The following RASA3 variants were observed in gnomAD, a reference collection of about 807,000 sequenced individuals.
The protein encoded by RASA3 is RAS p21 protein activator 3.
In RASA3, 73 loss-of-function variants were observed where a neutral mutation model predicts 110.0. The observed-to-expected ratio is 0.66, with a 90% CI of 0.55 to 0.81. The LOEUF (loss-of-function observed/expected upper bound fraction) is 0.81, where lower values mean the gene tolerates loss of function less well. Ranked by LOEUF, RASA3 falls within the 30% of genes least tolerant of loss-of-function variation. The pLI, the probability that RASA3 is intolerant of heterozygous loss-of-function variation, is 0.00. For missense variants in RASA3, 976 were observed against 1,113.2 expected (o/e 0.88, Z 1.75); for synonymous variants, 500 against 451.4 (o/e 1.11, Z -1.37).
chr13:114,116,068 A>T (rs1001523152), intron 1 of RASA3, among the ~76,000 whole-genome samples: 4 of 152,196 alleles, frequency 2.6e-5, no homozygotes, highest in Non-Finnish European at 5.9e-5. Flanking sequence ...AGAGCCTGGC[A>T]GCAGCGCAGG....
intron 18 of RASA3, 30 bp from the exon 19 acceptor site, chr13:114,000,962 C>G (rs758363639): frequency 6.7e-7 from 1 of 1,491,598 alleles, no homozygotes; most frequent in South Asian, 1.1e-5. Context: ...GGCCGGGGTC[C>G]GGGCCTCAGC....
At chr13:113,999,414 C>T (rs934954289) in intron 20 of RASA3, among the ~76,000 whole-genome samples, 171 bp downstream of exon 20, 12 of 151,930 alleles carry the variant, frequency 7.9e-5, no homozygotes, top group Non-Finnish European at 1.0e-4. Flanking sequence ...TGCGAGATTC[C>T]GACACAAACT....
intron 16 of RASA3, among the ~76,000 whole-genome samples, chr13:114,010,225 G>A (rs1452406525): frequency 2.0e-5 from 3 of 152,144 alleles, no homozygotes; most frequent in Non-Finnish European, 4.4e-5. Context: ...TCCAGTGGGG[G>A]CCTCTGCTCC....
At chr13:114,040,821 C>T (rs1025646512) in intron 4 of RASA3, among the ~76,000 whole-genome samples, 179 bp downstream of exon 4, 5 of 152,034 alleles carry the variant, frequency 3.3e-5, no homozygotes, top group African/African-American at 9.6e-5. Flanking sequence ...ACCCAAAATC[C>T]ATGGCGGAGC....
Position 114,112,771 on chromosome 13 carries a change from G to A in RASA3, c.55+19664C>T, listed in dbSNP as rs2080235748. ...GCCAGCGTCCACTCCCCGTGGGGCC[G>A]CAGGGTACACCAACATCTGAGGCAG... On this transcript the variant is annotated intron_variant, in intron 1 of 23. Coordinates refer to ENST00000334062, the MANE Select transcript of RASA3 (RefSeq NM_007368.4). This position sits in a 1 kb window ranked among gnomAD's most constrained non-coding sequence, Gnocchi z 4.8. 1.3e-5 allele frequency among the ~76,000 whole-genome samples: 2 copies of A among 152,042 alleles called. No individual in the cohort carries two copies. Among genetic ancestry groups the A allele is most frequent in the African/African-American group, 4.8e-5 (2 of 41,402 alleles).
Position 114,018,843 on chromosome 13 carries a change from C to T in RASA3, c.862G>A (p.Val288Ile), listed in dbSNP as rs368113533. The T allele has an allele frequency of 3.1e-6, 5 of 1,613,836 alleles. No homozygotes were observed. In the African/African-American group the frequency reaches 6.7e-5, roughly 22 times the overall value. ...GAAAACACGTGGTCTTCCGTGTATA[C>T]CACGTTCAGCCGCAGGGAGCCCAGG... ...DDLGSLRLNV[V>I]YTEDHVFSSD... Residue 288 changes from valine to isoleucine, a missense_variant, in exon 10 of 24, where the codon GTA becomes ATA. Transcript: ENST00000334062.
intron 1 of RASA3, among the ~76,000 whole-genome samples, chr13:114,103,461 G>C (rs1030467361): frequency 2.0e-5 from 3 of 152,102 alleles, no homozygotes; most frequent in Non-Finnish European, 4.4e-5. Context: ...GGGGGACACA[G>C]AACCAAGCCG....
At chr13:114,090,970 G>A (rs1594444698) in intron 1 of RASA3, among the ~76,000 whole-genome samples, 3 of 152,236 alleles carry the variant, frequency 2.0e-5, no homozygotes, top group Admixed American at 2.0e-4. Flanking sequence ...TTATTGTTCA[G>A]TAATACCAGA....
chr13:114,024,308 C>T lies in RASA3; in HGVS notation c.651G>A (p.Glu217=). The T allele has an allele frequency of 1.2e-6, 2 of 1,614,050 alleles. No homozygotes were observed. Among genetic ancestry groups the T allele is most frequent in the Non-Finnish European group, 8.5e-7 (1 of 1,179,974 alleles). ...SYSKKSHFDF[E]EEDVDKLEIR... is the part of the protein sequence containing the mutation. ...TTTCGAGCTTGTCCACGTCTTCCTC[C>T]TCAAAGTCAAAGTGGGACTTCTTGC... Residue 217 remains glutamate, a synonymous_variant, in exon 8 of 24, where the codon GAG becomes GAA. Coordinates refer to ENST00000334062, the MANE Select transcript of RASA3 (RefSeq NM_007368.4).
chr13:114,105,862 C>T (rs2080127102), intron 1 of RASA3, among the ~76,000 whole-genome samples: 2 of 152,222 alleles, frequency 1.3e-5, no homozygotes, highest in South Asian at 4.1e-4. Flanking sequence ...AGCTGTGAAA[C>T]TATTACGGTA....
intron 9 of RASA3, 43 bp downstream of exon 9, chr13:114,021,361 G>T (rs369565724): frequency 6.4e-7 from 1 of 1,565,094 alleles, no homozygotes; most frequent in Non-Finnish European, 8.8e-7. Context: ...TGTTTTTGTG[G>T]CTCTCAGAGA....
At chr13:114,045,269 G>A (rs897584400) in intron 3 of RASA3, among the ~76,000 whole-genome samples, 5 of 152,196 alleles carry the variant, frequency 3.3e-5, no homozygotes, top group Admixed American at 1.3e-4. Context: ...GAGTCACACC[G>A]AAAAGTTTAC....
intron 1 of RASA3, among the ~76,000 whole-genome samples, chr13:114,104,307 C>T (rs1179895161): frequency 7.1e-6 from 1 of 141,394 alleles, no homozygotes; most frequent in Non-Finnish European, 1.6e-5. Flanking sequence ...GCCACGGACA[C>T]CCACCCCCGA....
intron 18 of RASA3, among the ~76,000 whole-genome samples, chr13:114,004,145 G>A (rs754739874): frequency 1.2e-4 from 19 of 152,180 alleles, no homozygotes; most frequent in Non-Finnish European, 2.5e-4. Context: ...CTGGGGTATG[G>A]TCCACCAGTG....
At chr13:114,020,008 T>C (rs796349498) in intron 9 of RASA3, among the ~76,000 whole-genome samples, 1 of 28,364 alleles carries the variant, frequency 3.5e-5, no homozygotes, top group African/African-American at 3.5e-4. Flanking sequence ...GTGGAGCCTG[T>C]GTCCGAGGCA....
At chr13:113,991,926 A>G (rs924074678) in intron 22 of RASA3, among the ~76,000 whole-genome samples, 1 of 151,602 alleles carries the variant, frequency 6.6e-6, no homozygotes, top group African/African-American at 2.4e-5. Flanking sequence ...ACTCTCATAC[A>G]TGTCATGTCC....
intron 2 of RASA3, among the ~76,000 whole-genome samples, chr13:114,053,606 CCA>C (rs779740573): frequency 6.6e-6 from 1 of 152,350 alleles, no homozygotes; most frequent in East Asian, 1.9e-4. Flanking sequence ...CCCACCCCAG[CCA>C]CACACAGAAA....
chr13:114,018,029 T>C (rs2053831798), intron 11 of RASA3, 75 bp downstream of exon 11: 1 of 1,408,702 alleles, frequency 7.1e-7, no homozygotes, highest in Admixed American at 2.9e-5. Context: ...CCAGGACACG[T>C]GGTTCTCGGC....
intron 1 of RASA3, among the ~76,000 whole-genome samples, chr13:114,104,476 G>C (rs2080107072): frequency 6.6e-6 from 1 of 152,162 alleles, no homozygotes; most frequent in African/African-American, 2.4e-5. Flanking sequence ...CACAAAACCT[G>C]CAGCTAGCAA....
Sources: allele counts gnomAD v4.1 joint callset (sites outside exome capture counted in the v4.1 genomes callset), GRCh38; gene constraint gnomAD v4.1.1; non-coding constraint Gnocchi (gnomAD v3.1); transcripts MANE v1.5; gene names NCBI Gene and HGNC (gene_info 2026-07-23, HGNC 2026-07-21).